The following NRXN1 variants were observed in gnomAD, a reference collection of about 807,000 sequenced individuals.
NRXN1 encodes neurexin 1, also known as neurexin-1.
A neutral mutation model predicts 150.9 loss-of-function variants in NRXN1; 39 were observed. That is an observed-to-expected ratio of 0.26 (90% confidence interval 0.20 to 0.34). The LOEUF (loss-of-function observed/expected upper bound fraction) is 0.34, where lower values mean the gene tolerates loss of function less well. Ranked by LOEUF, NRXN1 falls within the 10% of genes least tolerant of loss-of-function variation. The pLI is 1.00. For missense variants in NRXN1, 1,815 were observed against 1,949.9 expected (o/e 0.93, Z 1.30); for synonymous variants, 924 against 757.0 (o/e 1.22, Z -3.62).
intron 5 of NRXN1, among the ~76,000 whole-genome samples, chr2:50,875,194 G>A (rs1678387067): frequency 1.3e-5 from 2 of 151,384 alleles, no homozygotes; most frequent in Non-Finnish European, 3.0e-5. Flanking sequence ...TTCTTAAGAG[G>A]GGTACATTTT....
At position 50,579,101 on chromosome 2, in the gene NRXN1, A is replaced by G. The variant is rs535129050; in HGVS notation, c.1321-26076T>C. On this transcript the variant is annotated intron_variant, in intron 8 of 22. Coordinates refer to ENST00000401669, the MANE Select transcript of NRXN1 (RefSeq NM_001330078.2). ...TATTTTCTTAAGTCATATGATCCTA[A>G]TCTTAATGTCATAAACCCCATCCAC... Among the ~76,000 whole-genome samples the G allele has an allele frequency of 5.3e-5, 8 of 152,304 alleles. 1 individual carries two copies. The South Asian group carries it at 1.7e-3, about 32-fold the overall frequency.
At chr2:50,772,724 A>G (rs1054281977) in intron 5 of NRXN1, among the ~76,000 whole-genome samples, 2 of 152,166 alleles carry the variant, frequency 1.3e-5, no homozygotes, top group Admixed American at 6.6e-5. Flanking sequence ...CTCAAATGCC[A>G]TCCTCAAATA....
chr2:50,495,696 AT>A (rs1321991130), intron 15 of NRXN1, among the ~76,000 whole-genome samples: 1 of 152,086 alleles, frequency 6.6e-6, no homozygotes, highest in Non-Finnish European at 1.5e-5. Context: ...TAGGTGCTGC[AT>A]TTTTTGAGCT....
At chr2:50,634,782 A>G (rs1307404323) in intron 5 of NRXN1, among the ~76,000 whole-genome samples, 1 of 152,080 alleles carries the variant, frequency 6.6e-6, no homozygotes, top group Non-Finnish European at 1.5e-5. Flanking sequence ...ATTGGGAAGG[A>G]GCTGATGAGG....
At chr2:50,563,039 T>C (rs1404126428) in intron 8 of NRXN1, among the ~76,000 whole-genome samples, 1 of 152,190 alleles carries the variant, frequency 6.6e-6, no homozygotes, top group Non-Finnish European at 1.5e-5. Flanking sequence ...AAAGATATAA[T>C]CAGTTTATTC....
chr2:50,294,599 G>C (rs1352097073), intron 17 of NRXN1, among the ~76,000 whole-genome samples: 1 of 152,144 alleles, frequency 6.6e-6, no homozygotes, highest in Non-Finnish European at 1.5e-5. Context: ...GCATCAAGGA[G>C]GGACACCTGA....
intron 5 of NRXN1, among the ~76,000 whole-genome samples, chr2:50,716,556 T>C (rs1488905022): frequency 6.6e-6 from 1 of 152,164 alleles, no homozygotes; most frequent in Non-Finnish European, 1.5e-5. Context: ...TTACCTTACA[T>C]AAGCAAGTGA....
Position 50,787,579 on chromosome 2 carries a change from A to T in NRXN1, c.832+134290T>A, listed in dbSNP as rs566830280. 2.0e-5 allele frequency among the ~76,000 whole-genome samples: 3 copies of T among 151,152 alleles called. No homozygotes were observed. The Admixed American group carries it at 2.0e-4, about 10-fold the overall frequency. ...TCTAAAAAAAGACAAAAAACAAAAC[A>T]AAACAACAACAACAACAACAACAAC... is the stretch of plus-strand genomic sequence containing the variant. On this transcript the variant is annotated intron_variant, in intron 5 of 22. Coordinates refer to ENST00000401669, the MANE Select transcript of NRXN1 (RefSeq NM_001330078.2).
intron 5 of NRXN1, among the ~76,000 whole-genome samples, chr2:50,804,144 T>C (rs1241319890): frequency 1.3e-5 from 2 of 152,200 alleles, no homozygotes; most frequent in Non-Finnish European, 2.9e-5. Flanking sequence ...ATGAAATCAA[T>C]CTTGTAGACA....
rs201160745 is a variant in NRXN1, at chr2:50,483,942, GT to G, written c.3071-11472del. Among the ~76,000 whole-genome samples the G allele has an allele frequency of 5.8e-3, 881 of 152,224 alleles. 6 individuals are homozygous for G. The highest frequency in any genetic ancestry group is 0.01 in the Middle Eastern group (3 of 294). ...ATAACTTTTCTTATTTGAAAGACAGGTTTTTTTCTTATTTCAAAACAAACGA... is the reference window on the plus strand; with the variant it reads ...ATAACTTTTCTTATTTGAAAGACAGGTTTTTTCTTATTTCAAAACAAACGA... On this transcript the variant is annotated intron_variant, in intron 15 of 22. Coordinates refer to ENST00000401669, the MANE Select transcript of NRXN1 (RefSeq NM_001330078.2).
chr2:50,730,969 G>A (rs967144991), intron 5 of NRXN1, among the ~76,000 whole-genome samples: 3 of 152,022 alleles, frequency 2.0e-5, no homozygotes, highest in Non-Finnish European at 4.4e-5. Context: ...CACCGCGCCC[G>A]GCCTTCCCTT....
At chr2:50,690,425 C>G (rs1691906637) in intron 5 of NRXN1, among the ~76,000 whole-genome samples, 1 of 152,104 alleles carries the variant, frequency 6.6e-6, no homozygotes. Flanking sequence ...GAATGAAAAC[C>G]ATCCAGAGGC....
chr2:50,722,607 T>C (rs1260814629), intron 5 of NRXN1, among the ~76,000 whole-genome samples: 1 of 152,138 alleles, frequency 6.6e-6, no homozygotes, highest in Non-Finnish European at 1.5e-5. Context: ...TTAATAATGG[T>C]TATATTAATA....
intron 17 of NRXN1, among the ~76,000 whole-genome samples, chr2:50,308,546 G>A (rs1237584467): frequency 6.6e-6 from 1 of 151,734 alleles, no homozygotes; most frequent in South Asian, 2.1e-4. Flanking sequence ...TGAGATGGGA[G>A]TCTTGCTATG....
chr2:50,599,897 A>G (rs1201815437), intron 8 of NRXN1, among the ~76,000 whole-genome samples: 2 of 152,196 alleles, frequency 1.3e-5, no homozygotes, highest in Non-Finnish European at 2.9e-5. Flanking sequence ...AGTTATTTTA[A>G]TAACTATAAC....
At chr2:50,756,604 T>C (rs1447976097) in intron 5 of NRXN1, among the ~76,000 whole-genome samples, 2 of 151,822 alleles carry the variant, frequency 1.3e-5, no homozygotes, top group African/African-American at 4.8e-5. Flanking sequence ...CAGAATTATT[T>C]AGATGGACAG....
intron 17 of NRXN1, among the ~76,000 whole-genome samples, chr2:50,285,916 C>T (rs964438154): frequency 1.3e-5 from 2 of 151,382 alleles, no homozygotes; most frequent in Admixed American, 1.3e-4. Context: ...ATAAGGTATT[C>T]TCAACTTTCA....
At chr2:50,490,105 C>T (rs2091160745) in intron 15 of NRXN1, among the ~76,000 whole-genome samples, 1 of 152,148 alleles carries the variant, frequency 6.6e-6, no homozygotes, top group Non-Finnish European at 1.5e-5. Flanking sequence ...AAAGGAGTAA[C>T]AATATATCAA....
rs538929502 is a variant in NRXN1 at position 50,831,899 on chromosome 2, C to G, written c.832+89970G>C. Among the ~76,000 whole-genome samples the G allele has an allele frequency of 2.0e-5, 3 of 152,276 alleles. No individual in the cohort carries two copies. In the South Asian group the frequency reaches 6.2e-4, roughly 32 times the overall value. ...TTTTGTGCACAGATGCACAGAGAAACAGCGTTCTGAGTGACGCTGATTGTT... is the reference window on the plus strand; with the variant it reads ...TTTTGTGCACAGATGCACAGAGAAAGAGCGTTCTGAGTGACGCTGATTGTT... On this transcript the variant is annotated intron_variant, in intron 5 of 22. Coordinates refer to ENST00000401669, the MANE Select transcript of NRXN1 (RefSeq NM_001330078.2).
Sources: gnomAD v4.1 joint callset for allele counts (sites outside exome capture counted in the v4.1 genomes callset) on GRCh38, gnomAD v4.1.1 for gene constraint, MANE v1.5 for transcripts, NCBI Gene and HGNC (gene_info 2026-07-23, HGNC 2026-07-21) for gene names.